Variants in CDKAL1 observed in about 807,000 individuals in gnomAD.
The protein encoded by CDKAL1 is CDKAL1 threonylcarbamoyladenosine tRNA methylthiotransferase.
Under a neutral mutation model 68.2 loss-of-function variants are expected in CDKAL1, and 32 were observed. The observed-to-expected ratio is 0.47, with a 90% CI of 0.35 to 0.63. CDKAL1 has a LOEUF of 0.63. Ranked by LOEUF, CDKAL1 falls within the 30% of genes least tolerant of loss-of-function variation. CDKAL1 has a pLI of 0.00. For synonymous variants in CDKAL1, 234 were observed against 244.3 expected (o/e 0.96, Z 0.39); for missense variants, 606 against 696.7 (o/e 0.87, Z 1.47).
intron 10 of CDKAL1, among the ~76,000 whole-genome samples, chr6:20,992,110 C>T (rs9356759): frequency 0.17 from 25,207 of 144,426 alleles, 2,598 homozygotes; most frequent in Admixed American, 0.26. Context: ...TCACTGCAAC[C>T]TCCAACTCTT....
At chr6:20,601,077 A>G (rs1766076311) in intron 4 of CDKAL1, among the ~76,000 whole-genome samples, 1 of 151,900 alleles carries the variant, frequency 6.6e-6, no homozygotes. Flanking sequence ...GCATTGCTAA[A>G]TCTTCAGTTT....
At chr6:21,146,890 CTTTCTATCCAAGA>C (rs1776200264) in intron 13 of CDKAL1, among the ~76,000 whole-genome samples, 1 of 151,176 alleles carries the variant, frequency 6.6e-6, no homozygotes, top group South Asian at 2.1e-4. Flanking sequence ...TTGAGTTTAC[CTTTCTATCCAAGA>C]TTTCTTTGGT....
At chr6:20,798,775 A>AG (rs1776224414) in intron 8 of CDKAL1, among the ~76,000 whole-genome samples, 1 of 49,446 alleles carries the variant, frequency 2.0e-5, no homozygotes, top group African/African-American at 8.2e-5. Context: ...GGATGGGGGG[A>AG]GGGGGGAGGG....
Position 20,781,197 on chromosome 6 carries a change from G to A in CDKAL1, c.570G>A (p.Gly190=). Residue 190 remains glycine (G), a synonymous_variant, in exon 8 of 16, where the codon GGG becomes GGA. Transcript: ENST00000274695. ...AAAAGGATAATGGAAGGCGGCTTGG[G>A]GGAGCACGATTGGATTTGCCGAAGA... ...GQKKDNGRRL[G]GARLDLPKIR... is the part of the protein sequence containing the mutation. 1 of 1,613,880 alleles carries A rather than the reference G, an allele frequency of 6.2e-7. No homozygotes were observed. Among genetic ancestry groups the A allele is most frequent in the Non-Finnish European group, 8.5e-7 (1 of 1,179,866 alleles).
intron 5 of CDKAL1, among the ~76,000 whole-genome samples, chr6:20,728,363 C>T (rs1772749310): frequency 6.6e-6 from 1 of 151,926 alleles, no homozygotes. Flanking sequence ...TCGTTTACTC[C>T]AGAAATTTTT....
chr6:21,126,252 C>T (rs1211965249), intron 13 of CDKAL1, among the ~76,000 whole-genome samples: 1 of 152,174 alleles, frequency 6.6e-6, no homozygotes, highest in Non-Finnish European at 1.5e-5. Flanking sequence ...GCAGTCTGTT[C>T]TTTCCTCTGT....
At chr6:21,014,471 C>T (rs368321383) in intron 11 of CDKAL1, among the ~76,000 whole-genome samples, 12 of 151,728 alleles carry the variant, frequency 7.9e-5, no homozygotes, top group South Asian at 4.2e-4. Context: ...ATTAGCTGGG[C>T]GTGGCAGTGG....
chr6:20,733,140 C>T (rs1773033239), intron 5 of CDKAL1, among the ~76,000 whole-genome samples: 1 of 152,140 alleles, frequency 6.6e-6, no homozygotes, highest in South Asian at 2.1e-4. Context: ...TCAGGGAAAA[C>T]CACTTCTCCT....
intron 8 of CDKAL1, among the ~76,000 whole-genome samples, chr6:20,811,722 C>T (rs4710952): frequency 0.96 from 145,304 of 151,544 alleles, 69,667 homozygotes; most frequent in East Asian, 1. Context: ...TGCTAATCTG[C>T]GGGTTATGTG....
chr6:20,594,041 CTGTT>C (rs1376601301), intron 4 of CDKAL1, among the ~76,000 whole-genome samples: 4 of 152,248 alleles, frequency 2.6e-5, no homozygotes, highest in East Asian at 1.9e-4. Flanking sequence ...GTCTGAGAGA[CTGTT>C]TGTTATGATT....
intron 5 of CDKAL1, among the ~76,000 whole-genome samples, chr6:20,730,610 C>T (rs908069568): frequency 1.3e-5 from 2 of 151,838 alleles, no homozygotes; most frequent in Non-Finnish European, 2.9e-5. Flanking sequence ...TTTGGGAGGC[C>T]GAGGCGGGCA....
intron 10 of CDKAL1, among the ~76,000 whole-genome samples, chr6:20,978,238 G>C (rs1268782435): frequency 6.6e-6 from 1 of 152,210 alleles, no homozygotes; most frequent in African/African-American, 2.4e-5. Context: ...TGTAAAGTCA[G>C]CTTGAAACTG....
At chr6:21,214,261 A>T (rs906780451) in intron 15 of CDKAL1, among the ~76,000 whole-genome samples, 1 of 152,134 alleles carries the variant, frequency 6.6e-6, no homozygotes, top group Admixed American at 6.5e-5. Flanking sequence ...CAACATGGTA[A>T]ATATAATTAA....
At chr6:20,778,973 A>G (rs987445209) in intron 7 of CDKAL1, among the ~76,000 whole-genome samples, 4 of 152,212 alleles carry the variant, frequency 2.6e-5, no homozygotes, top group African/African-American at 9.7e-5. Context: ...AAGTTGACAT[A>G]TAAAATTAAT....
chr6:20,748,283 A>G (rs929079843), intron 6 of CDKAL1, among the ~76,000 whole-genome samples: 4 of 152,140 alleles, frequency 2.6e-5, no homozygotes, highest in Admixed American at 2.6e-4. Flanking sequence ...GAGGCCGAGA[A>G]TTTGAGATCA....
chr6:20,547,516 T>G (rs999041091), intron 3 of CDKAL1, among the ~76,000 whole-genome samples: 11 of 152,162 alleles, frequency 7.2e-5, no homozygotes, highest in Non-Finnish European at 1.3e-4. Context: ...CCGTGAAATT[T>G]TGATACAACC....
In CDKAL1 at chr6:20,580,057, G is replaced by A. The variant is rs115137853; in HGVS notation, c.286+31352G>A. Among the ~76,000 whole-genome samples, 977 of 152,232 alleles carry A rather than the reference G, an allele frequency of 6.4e-3. 11 individuals are homozygous for A. The highest frequency in any genetic ancestry group is 0.022 in the African/African-American group (900 of 41,542). On this transcript the variant is annotated intron_variant, in intron 4 of 15. Transcript: ENST00000274695. ...GTAGATTGGTGTTTCTGGGCTAGTTGGTCGTAGACCCTGGGAGTGAGAGAC... is the reference window on the plus strand; with the variant it reads ...GTAGATTGGTGTTTCTGGGCTAGTTAGTCGTAGACCCTGGGAGTGAGAGAC...
chr6:20,909,618 G>A (rs746949933), intron 9 of CDKAL1, among the ~76,000 whole-genome samples: 31 of 152,020 alleles, frequency 2.0e-4, no homozygotes, highest in South Asian at 6.2e-4. Flanking sequence ...TTTTTTCAGC[G>A]TTGGAAACAT....
chr6:20,887,895 T>G (rs1381049400), intron 9 of CDKAL1, among the ~76,000 whole-genome samples: 1 of 151,414 alleles, frequency 6.6e-6, no homozygotes, highest in Non-Finnish European at 1.5e-5. Context: ...GTGATCCTCC[T>G]GCCTCAGCCT....
Sources: allele counts gnomAD v4.1 joint callset (sites outside exome capture counted in the v4.1 genomes callset), GRCh38; gene constraint gnomAD v4.1.1; transcripts MANE v1.5; gene names NCBI Gene and HGNC (gene_info 2026-07-23, HGNC 2026-07-21).